TRPM3: variants seen among roughly 807,000 people sequenced by gnomAD.
The protein encoded by TRPM3 is long transient receptor potential channel 3.
In TRPM3, 77 loss-of-function variants were observed where a neutral mutation model predicts 181.2. The observed-to-expected ratio is 0.42, with a 90% CI of 0.35 to 0.51. TRPM3 has a LOEUF of 0.51. Among genes scored for constraint, TRPM3 ranks in the 20% least tolerant of loss-of-function variants. TRPM3 has a pLI of 0.01. For missense variants in TRPM3, 1,759 were observed against 2,196.7 expected, an observed-to-expected ratio of 0.80 and a Z score of 3.98; for synonymous variants, 745 against 796.4, an observed-to-expected ratio of 0.94 and a Z score of 1.09.
intron 1 of TRPM3, among the ~76,000 whole-genome samples, chr9:71,249,575 T>G (rs1198531964): frequency 6.6e-6 from 1 of 152,142 alleles, no homozygotes; most frequent in Non-Finnish European, 1.5e-5. Context: ...TCCCTTGAGA[T>G]ATATATATTT....
intron 18 of TRPM3, among the ~76,000 whole-genome samples, chr9:70,614,621 G>T (rs966621475): frequency 6.6e-6 from 1 of 152,180 alleles, no homozygotes; most frequent in African/African-American, 2.4e-5. Flanking sequence ...AGTTCACAGT[G>T]TGCCAGTCTC....
chr9:70,896,665 C>G (rs2096282915), intron 1 of TRPM3, among the ~76,000 whole-genome samples: 1 of 152,150 alleles, frequency 6.6e-6, no homozygotes, highest in Admixed American at 6.5e-5. Context: ...TTAATCACAA[C>G]TGGTATTCAT....
chr9:70,997,230 G>A (rs1419408438), intron 1 of TRPM3, among the ~76,000 whole-genome samples: 1 of 151,870 alleles, frequency 6.6e-6, no homozygotes, highest in African/African-American at 2.4e-5. Context: ...ATGGAGTCTT[G>A]CTCTGTCATC....
At position 70,683,428 on chromosome 9, in the gene TRPM3, C is replaced by CTTTTTTTTTTTTTTTTTTT. The variant is rs575176948; in HGVS notation, c.1273-1869_1273-1851dup. On this transcript the variant is annotated intron_variant, in intron 8 of 25. Coordinates refer to ENST00000677713, the MANE Select transcript of TRPM3 (RefSeq NM_001366145.2). ...CCTTTTCTCTCTTTCTCTCTCTCTC[C>CTTTTTTTTTTTTTTTTTTT]TTTTTTTTTTTTTTTTTTTTTTTTT... 2.3e-3 allele frequency among the ~76,000 whole-genome samples: 133 copies of CTTTTTTTTTTTTTTTTTTT among 57,464 alleles called. 11 individuals are homozygous for CTTTTTTTTTTTTTTTTTTT. Among genetic ancestry groups the CTTTTTTTTTTTTTTTTTTT allele is most frequent in the Middle Eastern group, 0.014 (1 of 72 alleles). The allele number at this position is 57,464 out of a possible 152,430, so 37.7% of individuals were successfully genotyped here. A position where few individuals can be genotyped will look rare whatever the true frequency, so the allele number is the denominator to read the frequency against.
intron 1 of TRPM3, among the ~76,000 whole-genome samples, chr9:71,263,592 T>A (rs1304495841): frequency 1.3e-5 from 2 of 152,202 alleles, no homozygotes; most frequent in Admixed American, 1.3e-4. Context: ...TCATCTTATT[T>A]ACTTTCATAT....
At chr9:71,335,041 T>C (rs1329050175) in intron 1 of TRPM3, among the ~76,000 whole-genome samples, 2 of 152,078 alleles carry the variant, frequency 1.3e-5, no homozygotes, top group Non-Finnish European at 2.9e-5. Context: ...AGCTTTTAAA[T>C]GCCATAATGG....
intron 1 of TRPM3, among the ~76,000 whole-genome samples, chr9:70,953,596 T>C (rs1351848796): frequency 6.6e-6 from 1 of 152,160 alleles, no homozygotes; most frequent in South Asian, 2.1e-4. Context: ...AATGGTATTA[T>C]TTAATATGAG....
intron 1 of TRPM3, among the ~76,000 whole-genome samples, chr9:71,367,809 GA>G (rs1308620637): frequency 9.2e-5 from 14 of 152,192 alleles, no homozygotes; most frequent in Admixed American, 9.2e-4. Flanking sequence ...TACCTCTCTT[GA>G]GAAACAGGAT....
At chr9:70,776,539 C>G in intron 7 of TRPM3, 1 of 669,322 alleles carries the variant, frequency 1.5e-6, no homozygotes, top group East Asian at 2.8e-5. Flanking sequence ...AAACTGAATG[C>G]CCTTAAAAAC....
chr9:70,539,490 G>C (rs200163808), intron 25 of TRPM3, among the ~76,000 whole-genome samples: 1 of 85,684 alleles, frequency 1.2e-5, no homozygotes, highest in Non-Finnish European at 2.5e-5. Context: ...TTTTTTTTTT[G>C]CTCCCTCCTG....
intron 1 of TRPM3, among the ~76,000 whole-genome samples, chr9:70,877,815 A>ACACACACACACACACT (rs1489032499): frequency 6.6e-6 from 1 of 151,718 alleles, no homozygotes; most frequent in Non-Finnish European, 1.5e-5. Context: ...ACACACACAC[A>ACACACACACACACACT]CACACACACA....
chr9:71,077,712 G>C (rs2063665847), intron 1 of TRPM3, among the ~76,000 whole-genome samples: 1 of 151,892 alleles, frequency 6.6e-6, no homozygotes, highest in African/African-American at 2.4e-5. Context: ...GGACGGTAGA[G>C]ACCGTGAAGA....
chr9:70,741,179 T>C (rs953546823), intron 8 of TRPM3, among the ~76,000 whole-genome samples: 1 of 152,092 alleles, frequency 6.6e-6, no homozygotes, highest in Non-Finnish European at 1.5e-5. Context: ...CGAAAGAAGA[T>C]ATACAAATGA....
chr9:71,025,227 C>T (rs1489415486), intron 1 of TRPM3, among the ~76,000 whole-genome samples: 4 of 152,150 alleles, frequency 2.6e-5, no homozygotes, highest in Non-Finnish European at 5.9e-5. Context: ...TCTTATTTTG[C>T]AATTCCCTTT....
intron 1 of TRPM3, among the ~76,000 whole-genome samples, chr9:70,991,168 G>C (rs1231165371): frequency 6.6e-6 from 1 of 152,032 alleles, no homozygotes; most frequent in Non-Finnish European, 1.5e-5. Flanking sequence ...CCTAGAGAAG[G>C]GGCTCTTAAC....
intron 1 of TRPM3, among the ~76,000 whole-genome samples, chr9:71,339,578 CTT>C (rs989021369): frequency 6.6e-5 from 10 of 152,048 alleles, no homozygotes; most frequent in African/African-American, 2.2e-4. Context: ...CAAAGACACA[CTT>C]TTAAATAAAT....
At chr9:71,149,493 CAA>C (rs1191839495) in intron 1 of TRPM3, among the ~76,000 whole-genome samples, 1 of 151,676 alleles carries the variant, frequency 6.6e-6, no homozygotes, top group East Asian at 1.9e-4. Flanking sequence ...GGAATGTCTG[CAA>C]AAAAAATTAA....
At chr9:70,543,145 C>T (rs888402079) in intron 25 of TRPM3, among the ~76,000 whole-genome samples, 8 of 152,170 alleles carry the variant, frequency 5.3e-5, no homozygotes, top group African/African-American at 1.9e-4. Context: ...AGTCATTTCT[C>T]TCTGCCATTG....
chr9:70,556,677 G>A (rs375917963), intron 22 of TRPM3, among the ~76,000 whole-genome samples: 9 of 152,210 alleles, frequency 5.9e-5, no homozygotes, highest in Non-Finnish European at 8.8e-5. Flanking sequence ...AGCTGAGATC[G>A]TGTCACTGGA....
Sources: gnomAD v4.1 joint callset for allele counts (sites outside exome capture counted in the v4.1 genomes callset) on GRCh38, gnomAD v4.1.1 for gene constraint, MANE v1.5 for transcripts, NCBI Gene and HGNC (gene_info 2026-07-23, HGNC 2026-07-21) for gene names.